CRTC1: variants seen among roughly 807,000 people sequenced by gnomAD.
CRTC1 encodes CREB regulated transcription coactivator 1.
In CRTC1, 18 loss-of-function variants were observed where a neutral mutation model predicts 66.1. That is an observed-to-expected ratio of 0.27 (90% CI 0.19 to 0.40). The LOEUF is 0.40. Ranked by LOEUF, CRTC1 falls within the 10% of genes least tolerant of loss-of-function variation. CRTC1 has a pLI of 1.00. For missense variants in CRTC1, 669 were observed against 887.9 expected (o/e 0.75, Z 3.13); for synonymous variants, 416 against 398.8 (o/e 1.04, Z -0.51).
chr19:18,744,049 C>T (rs756999552), intron 2 of CRTC1: 46 of 1,590,226 alleles, frequency 2.9e-5, no homozygotes, highest in Admixed American at 3.4e-5. Context: ...CCACGCATCC[C>T]GCCTTTGGGG....
chr19:18,771,861 C>G lies in CRTC1; in HGVS notation c.1425+315C>G, dbSNP rs914818623. ...CATTGAGTGGCCCAGGGACAATGCC[C>G]TCCACACCCAGTGTGTCACCCAGAG... On this transcript the variant is annotated intron_variant, in intron 11 of 13. Coordinates refer to ENST00000321949, the MANE Select transcript of CRTC1 (RefSeq NM_015321.3). This position sits in a 1 kb window ranked among gnomAD's most constrained non-coding sequence, Gnocchi z 4.6. 1.3e-5 allele frequency among the ~76,000 whole-genome samples: 2 copies of G among 152,192 alleles called. No homozygotes were observed. Among genetic ancestry groups the G allele is most frequent in the Non-Finnish European group, 2.9e-5 (2 of 68,026 alleles).
At chr19:18,757,395 G>A (rs369363521) in intron 6 of CRTC1, among the ~76,000 whole-genome samples, 58 of 152,218 alleles carry the variant, frequency 3.8e-4, no homozygotes, top group Middle Eastern at 6.8e-3. Flanking sequence ...GGTTTTCCTG[G>A]GCACCCCCTC....
intron 6 of CRTC1, 110 bp from the exon 7 acceptor site, chr19:18,759,441 C>T: frequency 1.8e-6 from 2 of 1,123,480 alleles, no homozygotes; most frequent in Middle Eastern, 2.0e-4. Context: ...TCTCATGATG[C>T]ATCTCTGGGC....
In CRTC1 at chr19:18,689,631, C is replaced by T. The variant is rs1358585533; in HGVS notation, c.126+5803C>T. Among the ~76,000 whole-genome samples the T allele has an allele frequency of 3.3e-5, 4 of 121,368 alleles. No homozygotes were observed. The Admixed American group carries it at 3.9e-4, about 12-fold the overall frequency. The allele number at this position is 121,368 out of a possible 152,430, so 79.6% of individuals were successfully genotyped here. A position where few individuals can be genotyped will look rare whatever the true frequency, so the allele number is the denominator to read the frequency against. On this transcript the variant is annotated intron_variant, in intron 1 of 13. Coordinates refer to ENST00000321949, the MANE Select transcript of CRTC1 (RefSeq NM_015321.3). ...TTTGACGTTTTTTAAGTATAAAATT[C>T]AGTGGCATTAAGTTTATTCCCAGTG...
At position 18,778,886 on chromosome 19, in the gene CRTC1, T is replaced by C. The variant is rs2055050201; in HGVS notation, c.*1504T>C. Reference sequence around the variant, plus strand: ...CCCTCTCTTGGGCAGCGTGGTCTGCTGGCTGCCCCTTCTTGGCAGCTCAGG... The same window carrying C: ...CCCTCTCTTGGGCAGCGTGGTCTGCCGGCTGCCCCTTCTTGGCAGCTCAGG... On this transcript the variant is annotated 3_prime_UTR_variant, in exon 14 of 14. Coordinates refer to ENST00000321949, the MANE Select transcript of CRTC1 (RefSeq NM_015321.3). 1 of 231,438 alleles carries C rather than the reference T, an allele frequency of 4.3e-6. No homozygotes were observed. The highest frequency in any genetic ancestry group is 8.5e-6 in the Non-Finnish European group (1 of 116,972). 14.3% of individuals were successfully genotyped at this position (231,438 alleles called of 1,614,324 possible).
chr19:18,756,321 G>T (rs796069413), intron 6 of CRTC1, among the ~76,000 whole-genome samples: 4 of 60,104 alleles, frequency 6.7e-5, no homozygotes, highest in Non-Finnish European at 1.1e-4. Context: ...CACCAAGAGC[G>T]AAAACTCCAT....
At chr19:18,739,983 T>G (rs2054077430) in intron 1 of CRTC1, among the ~76,000 whole-genome samples, 1 of 152,174 alleles carries the variant, frequency 6.6e-6, no homozygotes, top group Non-Finnish European at 1.5e-5. Flanking sequence ...CTGGGTGTGG[T>G]GGCTCACACC....
intron 1 of CRTC1, among the ~76,000 whole-genome samples, chr19:18,740,168 G>A (rs867529263): frequency 2.6e-5 from 4 of 151,968 alleles, no homozygotes; most frequent in African/African-American, 4.8e-5. Flanking sequence ...TGAGAGAATC[G>A]CTTGAACCCT....
intron 1 of CRTC1, among the ~76,000 whole-genome samples, chr19:18,699,784 A>G (rs1217695088): frequency 2.0e-5 from 3 of 151,786 alleles, no homozygotes; most frequent in African/African-American, 7.3e-5. Flanking sequence ...TGGGATGGGG[A>G]GGGTTTTGAG....
In CRTC1 at chr19:18,759,686, C is replaced by T. The variant is rs747176169; in HGVS notation, c.665+95C>T. The T allele has an allele frequency of 4.4e-6, 6 of 1,376,392 alleles. No individual in the cohort carries two copies. In the Admixed American group the frequency reaches 9.6e-5, roughly 22 times the overall value. 85.3% of individuals were successfully genotyped at this position (1,376,392 alleles called of 1,614,324 possible). ...GTCCACTCTCTTGAGGTTGCAAGTC[C>T]CTGCAAGAGGGACACTGTGTGACCA... On this transcript the variant is annotated intron_variant, in intron 7 of 13. Coordinates refer to ENST00000321949, the MANE Select transcript of CRTC1 (RefSeq NM_015321.3).
chr19:18,698,938 G>A (rs533639419), intron 1 of CRTC1, among the ~76,000 whole-genome samples: 3 of 151,636 alleles, frequency 2.0e-5, no homozygotes, highest in East Asian at 1.9e-4. Context: ...TTTAGCAGGC[G>A]CTCAGCAGGT....
chr19:18,775,021 C>T (rs2054953164), intron 12 of CRTC1, 35 bp downstream of exon 12: 1 of 1,586,536 alleles, frequency 6.3e-7, no homozygotes, highest in African/African-American at 1.3e-5. Flanking sequence ...CCGGCCGGTG[C>T]CCAGGACAGA....
chr19:18,781,414 T>C lies in CRTC1; in HGVS notation c.*4032T>C, dbSNP rs10406254. The C allele has an allele frequency of 0.2, 45,735 of 229,692 alleles. 5,382 individuals carry two copies. Among genetic ancestry groups the C allele is most frequent in the African/African-American group, 0.36 (16,369 of 45,080 alleles). 14.2% of individuals were successfully genotyped at this position (229,692 alleles called of 1,614,324 possible). ...TGATTTGGGGGTCCCTGGGACATTC[T>C]CCCGTCAGCTCCACCTGAGCCAAGT... On this transcript the variant is annotated 3_prime_UTR_variant, in exon 14 of 14. Coordinates refer to ENST00000321949, the MANE Select transcript of CRTC1 (RefSeq NM_015321.3).
chr19:18,762,042 C>T (rs1463194789), intron 8 of CRTC1, among the ~76,000 whole-genome samples: 4 of 152,238 alleles, frequency 2.6e-5, no homozygotes, highest in Non-Finnish European at 5.9e-5. Context: ...GGCATCCACA[C>T]GCACCTGCGC....
chr19:18,689,377 C>G (rs906304220), intron 1 of CRTC1, among the ~76,000 whole-genome samples: 1 of 149,200 alleles, frequency 6.7e-6, no homozygotes, highest in African/African-American at 2.5e-5. Context: ...AGCATAGTGA[C>G]TTCAAGCCTC....
At chr19:18,693,619 C>T (rs2052906944) in intron 1 of CRTC1, among the ~76,000 whole-genome samples, 1 of 151,114 alleles carries the variant, frequency 6.6e-6, no homozygotes, top group African/African-American at 2.4e-5. Context: ...GTAGCTGGGG[C>T]TACAGGCGTC....
chr19:18,765,361 T>C (rs775811678), intron 8 of CRTC1, 43 bp from the exon 9 acceptor site: 8 of 1,573,608 alleles, frequency 5.1e-6, no homozygotes, highest in Non-Finnish European at 8.7e-7. Flanking sequence ...TTCTCAGTGA[T>C]CAGTCTCACA....
intron 8 of CRTC1, among the ~76,000 whole-genome samples, chr19:18,763,876 C>T (rs2054670019): frequency 6.6e-6 from 1 of 152,236 alleles, no homozygotes; most frequent in African/African-American, 2.4e-5. Flanking sequence ...AAGTGGCGGA[C>T]ACTCAGGAGA....
chr19:18,716,807 GA>G (rs2053518233), intron 1 of CRTC1, among the ~76,000 whole-genome samples: 1 of 152,184 alleles, frequency 6.6e-6, no homozygotes, highest in African/African-American at 2.4e-5. Flanking sequence ...GGCAAGAGAA[GA>G]TGTGGCTTGG....
Sources: allele counts gnomAD v4.1 joint callset (sites outside exome capture counted in the v4.1 genomes callset), GRCh38; gene constraint gnomAD v4.1.1; non-coding constraint Gnocchi (gnomAD v3.1); transcripts MANE v1.5; gene names NCBI Gene and HGNC (gene_info 2026-07-23, HGNC 2026-07-21).